SNCAIP: variants seen among roughly 807,000 people sequenced by gnomAD.
SNCAIP encodes synuclein alpha interacting protein.
A neutral mutation model predicts 86.7 loss-of-function variants in SNCAIP; 43 were observed. That is an observed-to-expected ratio of 0.50 (90% CI 0.39 to 0.64). SNCAIP has a LOEUF of 0.64. SNCAIP is among the 30% of genes least tolerant of loss of function. The pLI, the probability that SNCAIP is intolerant of heterozygous loss-of-function variation, is 0.00. For missense variants in SNCAIP, 981 were observed against 1,103.1 expected (o/e 0.89, Z 1.57); for synonymous variants, 417 against 427.2 (o/e 0.98, Z 0.29).
chr5:122,388,340 A>G (rs929599852), intron 1 of SNCAIP, among the ~76,000 whole-genome samples: 6 of 152,138 alleles, frequency 3.9e-5, no homozygotes, highest in African/African-American at 1.2e-4. Context: ...CAGGCCTCCA[A>G]TGCATGCCCT....
chr5:122,364,967 A>G (rs1393846251), intron 1 of SNCAIP, among the ~76,000 whole-genome samples: 1 of 152,216 alleles, frequency 6.6e-6, no homozygotes, highest in African/African-American at 2.4e-5. Context: ...ATAGAAAAGA[A>G]TAACTGTTAA....
At chr5:122,407,999 A>G (rs796950426) in intron 3 of SNCAIP, among the ~76,000 whole-genome samples, 5 of 152,186 alleles carry the variant, frequency 3.3e-5, no homozygotes, top group African/African-American at 1.2e-4. Flanking sequence ...ACAGAAAAGG[A>G]CAGTCCCTCC....
At chr5:122,371,175 C>T (rs1369743003) in intron 1 of SNCAIP, among the ~76,000 whole-genome samples, 1 of 151,962 alleles carries the variant, frequency 6.6e-6, no homozygotes, top group Admixed American at 6.6e-5. Flanking sequence ...ATTGGCTGAA[C>T]ATGCTCCTGT....
intron 3 of SNCAIP, among the ~76,000 whole-genome samples, chr5:122,417,931 T>G (rs1427639340): frequency 6.6e-6 from 1 of 152,200 alleles, no homozygotes; most frequent in African/African-American, 2.4e-5. Flanking sequence ...ATTTCAAAAA[T>G]GCCCAACTCT....
At chr5:122,319,479 G>A (rs931128934) in intron 1 of SNCAIP, among the ~76,000 whole-genome samples, 1 of 152,158 alleles carries the variant, frequency 6.6e-6, no homozygotes, top group Admixed American at 6.5e-5. Flanking sequence ...TAAATAGAAG[G>A]AGCTAAACAC....
intron 3 of SNCAIP, among the ~76,000 whole-genome samples, chr5:122,411,102 C>T (rs1461757711): frequency 6.6e-6 from 1 of 152,172 alleles, no homozygotes; most frequent in Non-Finnish European, 1.5e-5. Context: ...AACATATCTT[C>T]CACTCCCCAA....
At chr5:122,431,869 T>C in intron 5 of SNCAIP, 100 bp from the exon 6 acceptor site, 2 of 725,198 alleles carry the variant, frequency 2.8e-6, no homozygotes, top group Non-Finnish European at 5.1e-6. Flanking sequence ...AATGCCAAAA[T>C]TTATATGATT....
At chr5:122,399,495 T>C (rs1771324690) in intron 2 of SNCAIP, among the ~76,000 whole-genome samples, 1 of 152,162 alleles carries the variant, frequency 6.6e-6, no homozygotes, top group African/African-American at 2.4e-5. Context: ...TTTTTAAATA[T>C]AAAATGATTT....
rs17435150 is a variant in SNCAIP, at chr5:122,398,510, T to G, written c.58-5283T>G. 1.0e-2 allele frequency among the ~76,000 whole-genome samples: 1,518 copies of G among 152,288 alleles called. 13 individuals are homozygous for G. Among genetic ancestry groups the G allele is most frequent in the Middle Eastern group, 0.034 (10 of 294 alleles). On this transcript the variant is annotated intron_variant, in intron 2 of 10. Transcript: ENST00000261368. ...TTCAGCTACATGTCTCTGCTGTCAC[T>G]CCCAGCTTTGTTTGTACACATTATT...
chr5:122,456,686 A>G (rs1432937678), intron 10 of SNCAIP, among the ~76,000 whole-genome samples: 1 of 152,228 alleles, frequency 6.6e-6, no homozygotes, highest in Non-Finnish European at 1.5e-5. Context: ...ATTTCTCTAT[A>G]TATTATCAAA....
intron 5 of SNCAIP, 132 bp downstream of exon 5, chr5:122,425,663 C>A: frequency 1.4e-6 from 1 of 727,072 alleles, no homozygotes; most frequent in Non-Finnish European, 2.4e-6. Flanking sequence ...GAACATATTG[C>A]ATTTAAGAGA....
chr5:122,415,527 C>T (rs1775128872), intron 3 of SNCAIP, among the ~76,000 whole-genome samples: 1 of 152,162 alleles, frequency 6.6e-6, no homozygotes, highest in African/African-American at 2.4e-5. Context: ...ACACATAGTC[C>T]ATATTTAGAA....
At chr5:122,377,620 T>C (rs1765639654) in intron 1 of SNCAIP, among the ~76,000 whole-genome samples, 1 of 151,778 alleles carries the variant, frequency 6.6e-6, no homozygotes, top group African/African-American at 2.4e-5. Flanking sequence ...ACATGTGCCA[T>C]GCTGGTGCGC....
intron 1 of SNCAIP, among the ~76,000 whole-genome samples, chr5:122,361,296 C>G (rs1455640557): frequency 2.0e-5 from 3 of 151,860 alleles, no homozygotes; most frequent in African/African-American, 7.3e-5. Flanking sequence ...TTGCTGATAT[C>G]TTTCTGAAGT....
At chr5:122,381,360 C>T (rs1206807652) in intron 1 of SNCAIP, among the ~76,000 whole-genome samples, 1 of 139,048 alleles carries the variant, frequency 7.2e-6, no homozygotes, top group Non-Finnish European at 1.5e-5. Flanking sequence ...ACTAGGATTG[C>T]AACCCCTGCC....
intron 1 of SNCAIP, among the ~76,000 whole-genome samples, chr5:122,350,778 G>A (rs1759617668): frequency 6.6e-6 from 1 of 152,226 alleles, no homozygotes; most frequent in Admixed American, 6.5e-5. Flanking sequence ...CAAAAGTTGG[G>A]CCTCAAATGG....
intron 8 of SNCAIP, among the ~76,000 whole-genome samples, chr5:122,448,821 C>A (rs1034470616): frequency 6.7e-5 from 10 of 149,152 alleles, no homozygotes; most frequent in African/African-American, 2.5e-4. Flanking sequence ...TCGAGACCAT[C>A]CCGACTAACA....
rs1356464511 is a variant in SNCAIP at position 122,425,424 on chromosome 5, T to A, written c.1075T>A (p.Ser359Thr). 5 of 1,613,900 alleles carry A rather than the reference T, an allele frequency of 3.1e-6. No individual in the cohort carries two copies. Among genetic ancestry groups the A allele is most frequent in the Non-Finnish European group, 4.2e-6 (5 of 1,179,814 alleles). Residue 359 changes from serine to threonine, a missense_variant, in exon 5 of 11, where the codon TCA (serine) becomes ACA (threonine). Ser to Thr is a moderately conservative substitution (Grantham distance 58). Transcript: ENST00000261368. The stretch of plus-strand genomic sequence containing the variant: ...AAACAATCTATTACATATTGCGGCG[T>A]CACAGGGACACGCAGAGTGTCTACA... ...NGNNLLHIAA[S>T]QGHAECLQHL...
At chr5:122,451,704 G>GAA (rs11397630) in intron 10 of SNCAIP, 103 bp downstream of exon 10, 7,257 of 695,448 alleles carry the variant, frequency 0.01, 13 homozygotes, top group Non-Finnish European at 0.01. Context: ...GAATCCCCAG[G>GAA]AAAAAAAAAA....
Sources: allele counts gnomAD v4.1 joint callset (sites outside exome capture counted in the v4.1 genomes callset), GRCh38; gene constraint gnomAD v4.1.1; transcripts MANE v1.5; gene names NCBI Gene and HGNC (gene_info 2026-07-23, HGNC 2026-07-21).